RPL38: variants seen among roughly 807,000 people sequenced by gnomAD.
The protein encoded by RPL38 is ribosomal protein L38.
In RPL38, 2 loss-of-function variants were observed where a neutral mutation model predicts 12.8. The observed-to-expected ratio is 0.16, with a 90% CI of 0.06 to 0.49. The LOEUF (loss-of-function observed/expected upper bound fraction) is 0.49, where lower values mean the gene tolerates loss of function less well. Among genes scored for constraint, RPL38 ranks in the 20% least tolerant of loss-of-function variants. The pLI is 0.96. For missense variants in RPL38, 52 were observed against 79.8 expected, an observed-to-expected ratio of 0.65 and a Z score of 1.33; for synonymous variants, 42 against 30.1, an observed-to-expected ratio of 1.39 and a Z score of -1.29.
In RPL38 at chr17:74,207,071, G is replaced by T. The variant is rs112841165; in HGVS notation, c.65-2116G>T. 1.8e-4 allele frequency among the ~76,000 whole-genome samples: 27 copies of T among 151,992 alleles called. 1 individual carries two copies. The highest frequency in any genetic ancestry group is 6.0e-4 in the African/African-American group (25 of 41,424). On this transcript the variant is annotated intron_variant, in intron 3 of 4. Coordinates refer to ENST00000311111, the MANE Select transcript of RPL38 (RefSeq NM_000999.4). Reference sequence around the variant, plus strand: ...CTCCTGCCCAGGCTGGAGTGCAGTGGTGTGATCATGGCTCACTACATCCTT... The same window carrying T: ...CTCCTGCCCAGGCTGGAGTGCAGTGTTGTGATCATGGCTCACTACATCCTT...
intron 3 of RPL38, chr17:74,204,439 C>A: frequency 7.5e-6 from 4 of 533,394 alleles, no homozygotes; most frequent in Non-Finnish European, 1.3e-5. Flanking sequence ...GTTCAGTTTT[C>A]TTTCGTATAA....
intron 4 of RPL38, 123 bp downstream of exon 4, chr17:74,209,432 T>C (rs2050144672): frequency 1.8e-6 from 2 of 1,111,038 alleles, no homozygotes; most frequent in East Asian, 2.4e-5. Flanking sequence ...TCTAAGAATC[T>C]GCTCTTGCTG....
Position 74,209,191 on chromosome 17 carries a change from C to T in RPL38, c.69C>T (p.Val23=), listed in dbSNP as rs562552359. ...LTARRKDAKS[V]KIKKNKDNVK... Reference sequence around the variant, plus strand: ...CCTGATTCTGGTCTCCGGTAGCTGTCAAGATCAAGAAAAATAAGGACAACG... The same window carrying T: ...CCTGATTCTGGTCTCCGGTAGCTGTTAAGATCAAGAAAAATAAGGACAACG... Residue 23 remains valine (V), a synonymous_variant, in exon 4 of 5, where the codon GTC becomes GTT. Transcript: ENST00000311111. 1.2e-6 allele frequency: 2 copies of T among 1,613,554 alleles called. No homozygotes were observed. Among genetic ancestry groups the T allele is most frequent in the Admixed American group, 1.7e-5 (1 of 59,978 alleles).
chr17:74,204,311 C>G (rs772650516), intron 3 of RPL38, 121 bp downstream of exon 3: 2 of 817,356 alleles, frequency 2.4e-6, no homozygotes, highest in East Asian at 2.5e-5. Context: ...GCCTGGCCCT[C>G]TGGGAGCAGT....
At chr17:74,208,114 C>T (rs2891038) in intron 3 of RPL38, among the ~76,000 whole-genome samples, 3,929 of 152,220 alleles carry the variant, frequency 0.026, 174 homozygotes, top group African/African-American at 0.087. Flanking sequence ...CAGGTGCTTT[C>T]GTTGAAGTGT....
rs772650516 is a variant in RPL38 at position 74,204,311 on chromosome 17, C to T, written c.64+121C>T. 1.7e-5 allele frequency: 14 copies of T among 817,238 alleles called. 1 individual carries two copies. The highest frequency in any genetic ancestry group is 3.4e-5 in the African/African-American group (2 of 58,234). The allele number at this position is 817,238 out of a possible 1,614,324, so 50.6% of individuals were successfully genotyped here. A position where few individuals can be genotyped will look rare whatever the true frequency, so the allele number is the denominator to read the frequency against. On this transcript the variant is annotated intron_variant, in intron 3 of 4. Transcript: ENST00000311111. ...GCCGTCTGGGTGTGTGCCTGGCCCT[C>T]TGGGAGCAGTGGTTTCATCCTGTTT...
intron 3 of RPL38, among the ~76,000 whole-genome samples, chr17:74,208,473 G>T (rs28399294): frequency 2.0e-5 from 3 of 152,116 alleles, no homozygotes; most frequent in Admixed American, 2.0e-4. Context: ...GAAAACCCTG[G>T]GTGCGTGTTG....
rs960388675 is a variant in RPL38 at position 74,203,749 on chromosome 17, A to T, written c.-39+4A>T. 1.6e-6 allele frequency: 1 copy of T among 619,262 alleles called. No individual in the cohort carries two copies. Among genetic ancestry groups the T allele is most frequent in the Non-Finnish European group, 2.9e-6 (1 of 347,934 alleles). 38.4% of individuals were successfully genotyped at this position (619,262 alleles called of 1,614,324 possible). ...GGGTGATACGTGGGTGAGAAAGGTA[A>T]TCTGGGGCAATCCACTGCCAGGTGA... On this transcript the variant is annotated splice_donor_region_variant and intron_variant, in intron 1 of 4. Transcript: ENST00000311111.
chr17:74,204,217 A>G, intron 3 of RPL38, 27 bp downstream of exon 3: 1 of 1,609,986 alleles, frequency 6.2e-7, no homozygotes, highest in Non-Finnish European at 8.5e-7. Flanking sequence ...AAGGTTCAAG[A>G]AGAGCGGTGC....
chr17:74,203,766 G>A, intron 1 of RPL38, 21 bp downstream of exon 1: 2 of 657,056 alleles, frequency 3.0e-6, no homozygotes, highest in East Asian at 2.7e-5. Context: ...GCAATCCACT[G>A]CCAGGTGAAA....
chr17:74,209,147 T>C, intron 3 of RPL38, 40 bp from the exon 4 acceptor site: 1 of 1,608,692 alleles, frequency 6.2e-7, no homozygotes, highest in South Asian at 1.1e-5. Flanking sequence ...ACATCTGTTT[T>C]CTGTGATACA....
At chr17:74,209,733 C>A in intron 4 of RPL38, 71 bp from the exon 5 acceptor site, 1 of 1,379,258 alleles carries the variant, frequency 7.3e-7, no homozygotes, top group Admixed American at 1.7e-5. Context: ...AGCTTAAGTA[C>A]AAAATTTAGA....
chr17:74,203,800 G>T, intron 1 of RPL38, 55 bp downstream of exon 1: 16 of 933,164 alleles, frequency 1.7e-5, no homozygotes, highest in South Asian at 1.1e-4. Flanking sequence ...GGTCCGCGTG[G>T]AGGGTGTCGG....
In RPL38 at chr17:74,209,329, C is replaced by G; in HGVS notation, c.187+20C>G. 1 of 1,612,068 alleles carries G rather than the reference C, an allele frequency of 6.2e-7. No homozygotes were observed. The highest frequency in any genetic ancestry group is 8.5e-7 in the Non-Finnish European group (1 of 1,179,248). On this transcript the variant is annotated intron_variant, in intron 4 of 4. Coordinates refer to ENST00000311111, the MANE Select transcript of RPL38 (RefSeq NM_000999.4). ...CCCCCGGTGAGTGAGCCTGAAGTCA[C>G]TTCAGGGGCGGGTGGGGTTTGGAAG...
intron 3 of RPL38, among the ~76,000 whole-genome samples, chr17:74,206,697 GTT>G (rs1310073341): frequency 7.5e-6 from 1 of 133,168 alleles, no homozygotes; most frequent in Non-Finnish European, 1.6e-5. Context: ...ATTGCCTTCT[GTT>G]TTTTCTTTCT....
At chr17:74,208,692 T>C (rs2050137578) in intron 3 of RPL38, among the ~76,000 whole-genome samples, 1 of 152,116 alleles carries the variant, frequency 6.6e-6, no homozygotes, top group Admixed American at 6.5e-5. Flanking sequence ...TCCCAGCACT[T>C]TGGGAGGCCG....
chr17:74,210,054 A>G lies in RPL38; in HGVS notation c.*225A>G. The G allele has an allele frequency of 2.1e-6, 1 of 465,718 alleles. No individual in the cohort carries two copies. Among genetic ancestry groups the G allele is most frequent in the South Asian group, 2.9e-5 (1 of 34,560 alleles). 28.8% of individuals were successfully genotyped at this position (465,718 alleles called of 1,614,324 possible). A position where few individuals can be genotyped will look rare whatever the true frequency, so the allele number is the denominator to read the frequency against. On this transcript the variant is annotated 3_prime_UTR_variant, in exon 5 of 5. Transcript: ENST00000311111. ...TCATCCTGGAGCACAGTGGTGCGAT[A>G]TCAGCTCACTACCACCTCCGCCTCC...
chr17:74,206,917 C>T (rs895665038), intron 3 of RPL38, among the ~76,000 whole-genome samples: 21 of 151,258 alleles, frequency 1.4e-4, no homozygotes, highest in African/African-American at 4.6e-4. Context: ...GGGGTTTCAC[C>T]GAGTGAGCCA....
chr17:74,206,979 G>A (rs1287602184), intron 3 of RPL38, among the ~76,000 whole-genome samples: 11 of 151,778 alleles, frequency 7.2e-5, no homozygotes, highest in Non-Finnish European at 1.3e-4. Context: ...GCCTCCCAAA[G>A]TGCTGGGATT....
Sources: gnomAD v4.1 joint callset for allele counts (sites outside exome capture counted in the v4.1 genomes callset) on GRCh38, gnomAD v4.1.1 for gene constraint, MANE v1.5 for transcripts, NCBI Gene and HGNC (gene_info 2026-07-23, HGNC 2026-07-21) for gene names.